Variants in SAMMSON observed in about 807,000 individuals in gnomAD.
The protein encoded by SAMMSON is survival associated mitochondrial melanoma specific oncogenic non-coding RNA.
intron 4 of SAMMSON, among the ~76,000 whole-genome samples, chr3:70,115,821 C>G (rs771721311): frequency 3.7e-4 from 57 of 152,122 alleles, no homozygotes; most frequent in Non-Finnish European, 6.6e-4. Context: ...CACATTGACT[C>G]TAAAATAATA....
chr3:70,116,930 C>T (rs2067413859), intron 4 of SAMMSON, among the ~76,000 whole-genome samples: 1 of 152,122 alleles, frequency 6.6e-6, no homozygotes, highest in South Asian at 2.1e-4. Context: ...ATCTTTATTG[C>T]ATTTTAAAAC....
chr3:70,102,521 GTCTC>G (rs1410773440), intron 4 of SAMMSON, among the ~76,000 whole-genome samples: 1 of 152,198 alleles, frequency 6.6e-6, no homozygotes, highest in Non-Finnish European at 1.5e-5. Flanking sequence ...AGCATCTCTA[GTCTC>G]CAGTTCAGGC....
intron 2 of SAMMSON, among the ~76,000 whole-genome samples, chr3:70,411,066 C>T (rs558790876): frequency 1.6e-4 from 24 of 152,216 alleles, no homozygotes; most frequent in African/African-American, 3.1e-4. Flanking sequence ...CCCTACCCCG[C>T]GCAATTAGAC....
intron 3 of SAMMSON, among the ~76,000 whole-genome samples, chr3:70,027,224 T>G (rs2067044458): frequency 4.6e-5 from 7 of 152,218 alleles, no homozygotes. Context: ...ATTGTGGACT[T>G]TGAAGAATGG....
At chr3:70,329,814 A>T (rs12632963) in intron 7 of SAMMSON, among the ~76,000 whole-genome samples, 14,422 of 152,000 alleles carry the variant, frequency 0.095, 951 homozygotes, top group East Asian at 0.37. Context: ...GTTTCTCAAA[A>T]CTTTATTGAA....
chr3:70,251,758 G>A (rs956345736), intron 6 of SAMMSON, among the ~76,000 whole-genome samples: 2 of 152,168 alleles, frequency 1.3e-5, no homozygotes, highest in South Asian at 2.1e-4. Flanking sequence ...GGAAGATGAG[G>A]AACCTGTAGA....
intron 3 of SAMMSON, among the ~76,000 whole-genome samples, chr3:70,024,140 T>C (rs891723588): frequency 6.6e-6 from 1 of 152,234 alleles, no homozygotes; most frequent in African/African-American, 2.4e-5. Flanking sequence ...CTCAGTTAGA[T>C]TGGCAGTTCT....
intron 7 of SAMMSON, among the ~76,000 whole-genome samples, chr3:70,324,199 C>CTATCTATCTATCTATCATCTATCT (rs1553655704): frequency 2.2e-5 from 2 of 90,230 alleles, no homozygotes; most frequent in Non-Finnish European, 4.9e-5. Context: ...ATCTATCTAT[C>CTATCTATCTATCTATCATCTATCT]ATCTATCTAT....
intron 4 of SAMMSON, among the ~76,000 whole-genome samples, chr3:70,216,986 C>T (rs1236817872): frequency 6.6e-6 from 1 of 152,114 alleles, no homozygotes; most frequent in East Asian, 1.9e-4. Context: ...TTCAGAAATC[C>T]TTTAATCTCA....
intron 3 of SAMMSON, among the ~76,000 whole-genome samples, chr3:70,055,649 T>C (rs576568686): frequency 1.6e-4 from 24 of 152,276 alleles, no homozygotes; most frequent in African/African-American, 5.3e-4. Flanking sequence ...GTTGAACTTA[T>C]CTTATGTGAC....
chr3:70,267,095 C>G (rs2106667099), intron 6 of SAMMSON, among the ~76,000 whole-genome samples: 1 of 152,216 alleles, frequency 6.6e-6, no homozygotes, highest in South Asian at 2.1e-4. Context: ...CCCAAAATTG[C>G]TAGCTGGGGA....
chr3:70,104,885 A>G (rs1185043164), intron 4 of SAMMSON, among the ~76,000 whole-genome samples: 5 of 152,136 alleles, frequency 3.3e-5, no homozygotes, highest in Admixed American at 6.5e-5. Context: ...GTTCCCTTCA[A>G]TGTGAACTTC....
intron 4 of SAMMSON, among the ~76,000 whole-genome samples, chr3:70,097,304 C>A (rs942326034): frequency 1.3e-5 from 2 of 152,302 alleles, no homozygotes; most frequent in South Asian, 4.1e-4. Flanking sequence ...TGTTTCTTCA[C>A]CATGAGGCCT....
chr3:70,400,686 C>T (rs569890198), intron 2 of SAMMSON, among the ~76,000 whole-genome samples: 1 of 152,018 alleles, frequency 6.6e-6, no homozygotes, highest in African/African-American at 2.4e-5. Context: ...AATCCCAGCA[C>T]TTTGGAGCGT....
At chr3:70,224,255 C>T (rs144029320) in intron 4 of SAMMSON, among the ~76,000 whole-genome samples, 129 of 152,286 alleles carry the variant, frequency 8.5e-4, no homozygotes, top group East Asian at 2.3e-3. Context: ...TCTACATGCA[C>T]CTGACATGTT....
At chr3:70,150,617 T>C (rs935717713) in intron 4 of SAMMSON, among the ~76,000 whole-genome samples, 2 of 151,918 alleles carry the variant, frequency 1.3e-5, no homozygotes, top group African/African-American at 4.8e-5. Flanking sequence ...TTCATTCCAT[T>C]ATTCTAGAAA....
chr3:70,034,310 A>G (rs562356126), intron 3 of SAMMSON, among the ~76,000 whole-genome samples: 3 of 152,322 alleles, frequency 2.0e-5, no homozygotes, highest in Non-Finnish European at 4.4e-5. Flanking sequence ...TTGACTGTCT[A>G]TAGATTTTTA....
intron 4 of SAMMSON, among the ~76,000 whole-genome samples, chr3:70,160,498 G>C (rs1443860716): frequency 1.3e-5 from 2 of 151,868 alleles, no homozygotes; most frequent in African/African-American, 2.4e-5. Flanking sequence ...ATTGACAATC[G>C]ACCATTCATA....
chr3:70,380,536 T>C (rs974703027), intron 9 of SAMMSON, among the ~76,000 whole-genome samples: 1 of 152,174 alleles, frequency 6.6e-6, no homozygotes, highest in Non-Finnish European at 1.5e-5. Context: ...TTTTCTTTTT[T>C]TTCTTTTTTT....
Sources: gnomAD v4.1 joint callset for allele counts (sites outside exome capture counted in the v4.1 genomes callset) on GRCh38, gnomAD v4.1.1 for gene constraint, MANE v1.5 for transcripts, NCBI Gene and HGNC (gene_info 2026-07-23, HGNC 2026-07-21) for gene names.